The following KCNMA1 variants were observed in gnomAD, a reference collection of about 807,000 sequenced individuals.
KCNMA1 encodes the protein potassium calcium-activated channel subfamily M alpha 1.
Under a neutral mutation model 140.0 loss-of-function variants are expected in KCNMA1, and 29 were observed. The observed-to-expected ratio is 0.21, with a 90% CI of 0.15 to 0.28. The LOEUF (loss-of-function observed/expected upper bound fraction) is 0.28, where lower values mean the gene tolerates loss of function less well. KCNMA1 is among the 10% of genes least tolerant of loss of function. The pLI, the probability that KCNMA1 is intolerant of heterozygous loss-of-function variation, is 1.00. For missense variants in KCNMA1, 880 were observed against 1,602.2 expected, an observed-to-expected ratio of 0.55 and a Z score of 7.70; for synonymous variants, 612 against 611.9, an observed-to-expected ratio of 1.00 and a Z score of 0.00.
chr10:77,461,360 G>C (rs529391430), intron 1 of KCNMA1, among the ~76,000 whole-genome samples: 3 of 151,758 alleles, frequency 2.0e-5, no homozygotes, highest in African/African-American at 7.3e-5. Context: ...AACTTGTTTC[G>C]CTGTAGAATT....
intron 1 of KCNMA1, among the ~76,000 whole-genome samples, chr10:77,496,639 G>T (rs192255136): frequency 6.8e-6 from 1 of 147,166 alleles, no homozygotes; most frequent in African/African-American, 2.5e-5. Flanking sequence ...CAGGTTGAGC[G>T]CCCTGTCAGA....
At chr10:76,871,497 C>T (rs945543538) in exon 28 of KCNMA1, 1 of 152,224 alleles carries the variant, frequency 6.6e-6, no homozygotes, top group South Asian at 2.1e-4. Flanking sequence ...ATTCAGTGTT[C>T]ACATTTATTC....
intron 1 of KCNMA1, among the ~76,000 whole-genome samples, chr10:77,536,795 T>C (rs957031444): frequency 6.6e-6 from 1 of 152,166 alleles, no homozygotes; most frequent in African/African-American, 2.4e-5. Flanking sequence ...GCACCCTCAA[T>C]TGGTGTCATC....
chr10:76,964,124 C>A (rs901290711), intron 20 of KCNMA1, among the ~76,000 whole-genome samples: 2 of 151,894 alleles, frequency 1.3e-5, no homozygotes, highest in Non-Finnish European at 2.9e-5. Context: ...ATGATCATCA[C>A]CCCCGAGACA....
At chr10:77,485,363 G>C (rs771857752) in intron 1 of KCNMA1, among the ~76,000 whole-genome samples, 6 of 152,212 alleles carry the variant, frequency 3.9e-5, no homozygotes, top group Non-Finnish European at 8.8e-5. Flanking sequence ...GAGGCTGCTG[G>C]TCTAGAATTC....
intron 1 of KCNMA1, among the ~76,000 whole-genome samples, chr10:77,465,219 G>A (rs1206607726): frequency 6.6e-6 from 1 of 152,216 alleles, no homozygotes; most frequent in Non-Finnish European, 1.5e-5. Context: ...GCAGCAAACT[G>A]CGTTGCCTTC....
chr10:77,417,564 A>C (rs2096770505), intron 1 of KCNMA1, among the ~76,000 whole-genome samples: 1 of 152,244 alleles, frequency 6.6e-6, no homozygotes, highest in Non-Finnish European at 1.5e-5. Context: ...AGATCAGATG[A>C]CATGGAGCTT....
At chr10:77,413,393 C>T (rs574703356) in intron 1 of KCNMA1, among the ~76,000 whole-genome samples, 2 of 152,130 alleles carry the variant, frequency 1.3e-5, no homozygotes, top group African/African-American at 2.4e-5. Flanking sequence ...GACATCCACC[C>T]AGCAACCTCT....
At chr10:77,380,335 G>A (rs1160498807) in intron 2 of KCNMA1, among the ~76,000 whole-genome samples, 5 of 152,090 alleles carry the variant, frequency 3.3e-5, no homozygotes, top group African/African-American at 7.2e-5. Context: ...CGCATGAGTC[G>A]TCTTTAGGAA....
intron 3 of KCNMA1, among the ~76,000 whole-genome samples, chr10:77,239,016 C>T (rs139958266): frequency 1.3e-5 from 2 of 152,320 alleles, no homozygotes; most frequent in East Asian, 3.9e-4. Context: ...ACAGACACAG[C>T]CGCCAAATGC....
At chr10:77,261,114 A>G (rs2061898197) in intron 2 of KCNMA1, among the ~76,000 whole-genome samples, 2 of 152,152 alleles carry the variant, frequency 1.3e-5, no homozygotes, top group African/African-American at 2.4e-5. Flanking sequence ...CATGCCCCCC[A>G]GCAGTTTGTC....
chr10:77,055,486 C>T (rs920005080), intron 14 of KCNMA1, among the ~76,000 whole-genome samples: 1 of 149,370 alleles, frequency 6.7e-6, no homozygotes, highest in Non-Finnish European at 1.5e-5. Flanking sequence ...CTTCCTCCCT[C>T]TCTTCCTTCC....
At chr10:77,590,022 T>TA (rs2078529093) in intron 1 of KCNMA1, among the ~76,000 whole-genome samples, 1 of 152,088 alleles carries the variant, frequency 6.6e-6, no homozygotes, top group Non-Finnish European at 1.5e-5. Context: ...AAAGGTTCTC[T>TA]AAGTCCCCAC....
intron 29 of KCNMA1, among the ~76,000 whole-genome samples, chr10:76,878,518 G>A (rs1033906538): frequency 6.6e-6 from 1 of 152,122 alleles, no homozygotes; most frequent in Non-Finnish European, 1.5e-5. Flanking sequence ...TCAGAATAGC[G>A]ACCAATGTTT....
chr10:77,594,859 C>T (rs1043229663), intron 1 of KCNMA1, among the ~76,000 whole-genome samples: 11 of 152,150 alleles, frequency 7.2e-5, no homozygotes, highest in Admixed American at 6.5e-4. Flanking sequence ...CCTCTGCCAG[C>T]TGAAGACCCA....
intron 7 of KCNMA1, among the ~76,000 whole-genome samples, chr10:77,110,582 G>C (rs976243842): frequency 5.9e-5 from 9 of 152,162 alleles, no homozygotes; most frequent in African/African-American, 2.2e-4. Flanking sequence ...GAGACAGAGA[G>C]GGAAAGCAAG....
intron 25 of KCNMA1, among the ~76,000 whole-genome samples, chr10:76,894,322 A>G (rs1228744625): frequency 6.6e-6 from 1 of 152,210 alleles, no homozygotes; most frequent in Non-Finnish European, 1.5e-5. Context: ...ATATGCAAAA[A>G]TTAACACAAA....
At chr10:76,988,939 G>A (rs942220568) in intron 19 of KCNMA1, among the ~76,000 whole-genome samples, 16 of 152,122 alleles carry the variant, frequency 1.1e-4, no homozygotes, top group Non-Finnish European at 2.1e-4. Flanking sequence ...CCTGCTACAC[G>A]ATTTCATTCC....
chr10:77,452,497 C>A (rs1217616564), intron 1 of KCNMA1, among the ~76,000 whole-genome samples: 1 of 152,206 alleles, frequency 6.6e-6, no homozygotes, highest in African/African-American at 2.4e-5. Flanking sequence ...TTATAATTGA[C>A]AAGGTTGCAT....
Sources: gnomAD v4.1 joint callset for allele counts (sites outside exome capture counted in the v4.1 genomes callset) on GRCh38, gnomAD v4.1.1 for gene constraint, MANE v1.5 for transcripts, NCBI Gene and HGNC (gene_info 2026-07-23, HGNC 2026-07-21) for gene names.